The following IRAK4 variants were observed in gnomAD, a reference collection of about 807,000 sequenced individuals.
IRAK4 encodes interleukin-1 receptor-associated kinase 4.
Under a neutral mutation model 51.8 loss-of-function variants are expected in IRAK4, and 44 were observed. That is an observed-to-expected ratio of 0.85 (90% CI 0.67 to 1.09). The LOEUF (loss-of-function observed/expected upper bound fraction) is 1.09. Ranked by LOEUF, IRAK4 falls within the 50% of genes least tolerant of loss-of-function variation. The pLI, the probability that IRAK4 is intolerant of heterozygous loss-of-function variation, is 0.00. For missense variants in IRAK4, 487 were observed against 538.0 expected (o/e 0.91, Z 0.94); for synonymous variants, 149 against 174.1 (o/e 0.86, Z 1.13).
chr12:43,787,020 G>A lies in IRAK4; in HGVS notation c.*305G>A, dbSNP rs115845154. 3 of 366,988 alleles carry A rather than the reference G, an allele frequency of 8.2e-6. No individual in the cohort carries two copies. The highest frequency in any genetic ancestry group is 4.9e-6 in the Non-Finnish European group (1 of 202,696). 22.7% of individuals were successfully genotyped at this position (366,988 alleles called of 1,614,324 possible). A position where few individuals can be genotyped will look rare whatever the true frequency, so the allele number is the denominator to read the frequency against. On this transcript the variant is annotated 3_prime_UTR_variant, in exon 12 of 12. Coordinates refer to ENST00000613694, the MANE Select transcript of IRAK4 (RefSeq NM_016123.4). The stretch of plus-strand genomic sequence containing the variant: ...AAAAAGAGCCTGGGCTGTATGTAGG[G>A]TGGAAACACTCTGATCTGAAGCCCA...
intron 9 of IRAK4, among the ~76,000 whole-genome samples, chr12:43,782,697 G>T (rs956120650): frequency 2.0e-5 from 3 of 152,192 alleles, no homozygotes; most frequent in South Asian, 4.1e-4. Flanking sequence ...ATGACTACAA[G>T]AAATGATTTT....
In IRAK4 at chr12:43,787,044, C is replaced by G. The variant is rs1942266655; in HGVS notation, c.*329C>G. 6.8e-6 allele frequency: 2 copies of G among 295,372 alleles called. No individual in the cohort carries two copies. The highest frequency in any genetic ancestry group is 1.3e-5 in the Non-Finnish European group (2 of 158,580). 18.3% of individuals were successfully genotyped at this position (295,372 alleles called of 1,614,324 possible). A position where few individuals can be genotyped will look rare whatever the true frequency, so the allele number is the denominator to read the frequency against. On this transcript the variant is annotated 3_prime_UTR_variant, in exon 12 of 12. Transcript: ENST00000613694. ...GGTGGAAACACTCTGATCTGAAGCC[C>G]AGCTGACTCCACTACTAATTTGCTG...
At chr12:43,783,106 A>G (rs1193941911) in intron 9 of IRAK4, among the ~76,000 whole-genome samples, 1 of 152,184 alleles carries the variant, frequency 6.6e-6, no homozygotes. Flanking sequence ...TAAGTTGCCA[A>G]TAGAAAAGAG....
chr12:43,766,419 C>T (rs1940155145), intron 1 of IRAK4, among the ~76,000 whole-genome samples: 1 of 152,092 alleles, frequency 6.6e-6, no homozygotes. Context: ...CTGCTTGATG[C>T]CCCTTTTCTG....
chr12:43,785,268 A>G (rs1268549729), intron 10 of IRAK4, among the ~76,000 whole-genome samples: 1 of 152,166 alleles, frequency 6.6e-6, no homozygotes, highest in African/African-American at 2.4e-5. Context: ...TTGGGGGACC[A>G]TGATTCACCC....
At chr12:43,761,534 T>G (rs1345237094) in intron 1 of IRAK4, among the ~76,000 whole-genome samples, 1 of 152,198 alleles carries the variant, frequency 6.6e-6, no homozygotes, top group Non-Finnish European at 1.5e-5. Flanking sequence ...TTTTAATTCT[T>G]ACAGCAATTC....
rs1271871767 is a variant in IRAK4 at position 43,789,529 on chromosome 12, C to G, written c.*2814C>G. ...AGTTATAGATTGTTTTTATTAAACA[C>G]TTATGAATACTGTTTGAAGTGCTTT... On this transcript the variant is annotated 3_prime_UTR_variant, in exon 12 of 12. Coordinates refer to ENST00000613694, the MANE Select transcript of IRAK4 (RefSeq NM_016123.4). The G allele has an allele frequency of 2.0e-5, 3 of 152,148 alleles. No individual in the cohort carries two copies. Among genetic ancestry groups the G allele is most frequent in the Non-Finnish European group, 4.4e-5 (3 of 68,020 alleles). The allele number at this position is 152,148 out of a possible 1,614,324, so 9.4% of individuals were successfully genotyped here.
intron 6 of IRAK4, among the ~76,000 whole-genome samples, chr12:43,777,265 A>G (rs1386712451): frequency 6.6e-6 from 1 of 152,106 alleles, no homozygotes; most frequent in Non-Finnish European, 1.5e-5. Context: ...GGTGTACACC[A>G]GTAGTCCAAG....
chr12:43,779,877 A>G (rs575546901), intron 8 of IRAK4, among the ~76,000 whole-genome samples: 1 of 152,330 alleles, frequency 6.6e-6, no homozygotes, highest in Admixed American at 6.5e-5. Context: ...ATAAATGTGT[A>G]TTACTTGCAT....
At chr12:43,771,904 A>C (rs550255178) in intron 3 of IRAK4, among the ~76,000 whole-genome samples, 1 of 152,210 alleles carries the variant, frequency 6.6e-6, no homozygotes, top group South Asian at 2.1e-4. Context: ...AGAATTCTGG[A>C]ATTGGGTTTA....
intron 6 of IRAK4, among the ~76,000 whole-genome samples, chr12:43,777,378 G>C (rs983293773): frequency 6.6e-6 from 1 of 152,098 alleles, no homozygotes; most frequent in Non-Finnish European, 1.5e-5. Context: ...AACAGAGTTA[G>C]ACCCTGTCTC....
At chr12:43,783,486 G>GT (rs1941952572) in intron 9 of IRAK4, among the ~76,000 whole-genome samples, 176 bp from the exon 10 acceptor site, 1 of 151,886 alleles carries the variant, frequency 6.6e-6, no homozygotes, top group African/African-American at 2.4e-5. Context: ...CCCAGCCAAT[G>GT]TTTTTTTAAA....
chr12:43,774,545 A>G (rs910967817), intron 6 of IRAK4, among the ~76,000 whole-genome samples: 1 of 152,196 alleles, frequency 6.6e-6, no homozygotes, highest in Non-Finnish European at 1.5e-5. Flanking sequence ...GCCTGGCCGC[A>G]GTCATTATTT....
intron 8 of IRAK4, among the ~76,000 whole-genome samples, chr12:43,780,354 G>A (rs959550438): frequency 1.3e-5 from 2 of 152,086 alleles, no homozygotes; most frequent in Admixed American, 6.5e-5. Flanking sequence ...AGATTAAGCT[G>A]TGCTTATGTG....
At chr12:43,771,776 C>G (rs569875891) in intron 3 of IRAK4, among the ~76,000 whole-genome samples, 2 of 152,226 alleles carry the variant, frequency 1.3e-5, no homozygotes, top group South Asian at 4.2e-4. Context: ...TATAAGCTTT[C>G]TTTTTTTCCT....
intron 1 of IRAK4, chr12:43,763,253 A>C (rs1174356476): frequency 6.6e-6 from 1 of 152,208 alleles, no homozygotes; most frequent in African/African-American, 2.4e-5. Context: ...TACTTTGTGA[A>C]AAGGCTATTA....
rs542838156 is a variant in IRAK4, at chr12:43,788,240, G to C, written c.*1525G>C. 6.6e-6 allele frequency: 1 copy of C among 152,178 alleles called. No homozygotes were observed. Among genetic ancestry groups the C allele is most frequent in the African/African-American group, 2.4e-5 (1 of 41,416 alleles). The allele number at this position is 152,178 out of a possible 1,614,324, so 9.4% of individuals were successfully genotyped here. A position where few individuals can be genotyped will look rare whatever the true frequency, so the allele number is the denominator to read the frequency against. ...GGAAATTATACAGAGCATGTACAGC[G>C]GGAGGCTTATAGTGTACGTACTGAA... is the stretch of plus-strand genomic sequence containing the variant. On this transcript the variant is annotated 3_prime_UTR_variant, in exon 12 of 12. Transcript: ENST00000613694.
rs747296110 is a variant in IRAK4, at chr12:43,772,927, C to G, written c.506C>G (p.Ser169Ter). The G allele has an allele frequency of 6.2e-7, 1 of 1,607,560 alleles. No homozygotes were observed. The highest frequency in any genetic ancestry group is 2.2e-5 in the East Asian group (1 of 44,704). The change falls in exon 5 of 12, where the codon TCA becomes TGA. Residue 169 changes from serine (S) to a stop codon, truncating the protein, a stop_gained. Coordinates refer to ENST00000613694, the MANE Select transcript of IRAK4 (RefSeq NM_016123.4). LOFTEE classifies it high-confidence loss of function. ...TTTGACATAGGTTTTCACAGTTTTTCATTTTATGAATTGAAGAATGTCACA... is the reference window on the plus strand; with the variant it reads ...TTTGACATAGGTTTTCACAGTTTTTGATTTTATGAATTGAAGAATGTCACA... ...EVSDTRFHSF[S>*]FYELKNVTNN...
Position 43,788,614 on chromosome 12 carries a change from A to T in IRAK4, c.*1899A>T, listed in dbSNP as rs987953923. ...GAGTGCAGTGGCACGATCTCGGCTC[A>T]CTGCAAGCTCTGCCTCCCAGGTTCA... On this transcript the variant is annotated 3_prime_UTR_variant, in exon 12 of 12. Coordinates refer to ENST00000613694, the MANE Select transcript of IRAK4 (RefSeq NM_016123.4). The T allele has an allele frequency of 1.8e-4, 26 of 143,174 alleles. 1 individual carries two copies. The highest frequency in any genetic ancestry group is 1.5e-5 in the Non-Finnish European group (1 of 67,268). 8.9% of individuals were successfully genotyped at this position (143,174 alleles called of 1,614,324 possible). A position where few individuals can be genotyped will look rare whatever the true frequency, so the allele number is the denominator to read the frequency against.
Sources: allele counts gnomAD v4.1 joint callset (sites outside exome capture counted in the v4.1 genomes callset), GRCh38; gene constraint gnomAD v4.1.1; transcripts MANE v1.5; gene names NCBI Gene and HGNC (gene_info 2026-07-23, HGNC 2026-07-21).